BCAS3: variants seen among roughly 807,000 people sequenced by gnomAD.
The protein encoded by BCAS3 is BCAS4/BCAS3 fusion.
A neutral mutation model predicts 116.1 loss-of-function variants in BCAS3; 53 were observed. The observed-to-expected ratio is 0.46, with a 90% CI of 0.37 to 0.57. The LOEUF is 0.57. Among genes scored for constraint, BCAS3 ranks in the 20% least tolerant of loss-of-function variants. The probability of loss-of-function intolerance (pLI) is 0.00; values close to 1 mark genes in which losing one functional copy is unlikely to be tolerated. For missense variants in BCAS3, 917 were observed against 1,165.4 expected (o/e 0.79, Z 3.10); for synonymous variants, 391 against 408.2 (o/e 0.96, Z 0.51).
intron 19 of BCAS3, among the ~76,000 whole-genome samples, chr17:61,071,525 T>C (rs1438543515): frequency 1.3e-5 from 2 of 152,210 alleles, no homozygotes; most frequent in Non-Finnish European, 2.9e-5. Context: ...AGCCTGAAGT[T>C]ATTTATTTCT....
At chr17:61,108,114 G>A (rs574485879) in intron 22 of BCAS3, among the ~76,000 whole-genome samples, 20 of 151,876 alleles carry the variant, frequency 1.3e-4, no homozygotes, top group Admixed American at 7.9e-4. Context: ...TAGTGCATGC[G>A]CATCTCGGGT....
At position 61,239,332 on chromosome 17, in the gene BCAS3, G is replaced by A. The variant is rs1287680096; in HGVS notation, c.2426-128995G>A. Among the ~76,000 whole-genome samples the A allele has an allele frequency of 6.6e-6, 1 of 152,210 alleles. No individual in the cohort carries two copies. The highest frequency in any genetic ancestry group is 1.5e-5 in the Non-Finnish European group (1 of 68,032). On this transcript the variant is annotated intron_variant, in intron 22 of 23. Transcript: ENST00000407086. This position sits in a 1 kb window ranked among gnomAD's most constrained non-coding sequence, Gnocchi z 4.2. ...TCAAAGATAGTTATATATCCAAGAG[G>A]AAAGCCTGAGTTTGAAATAATGATT...
rs779555069 is a variant in BCAS3 at position 60,889,750 on chromosome 17, G to C, written c.717G>C (p.Trp239Cys). 2 of 1,613,172 alleles carry C rather than the reference G, an allele frequency of 1.2e-6. No homozygotes were observed. The highest frequency in any genetic ancestry group is 1.7e-6 in the Non-Finnish European group (2 of 1,179,852). ...ATCCTATTGCTCTTGGGAGCCGCTG[G>C]CTTGCTTATGCAGAAAACAAGGTAA... ...NMNPIALGSR[W>C]LAYAENKLIR... is the part of the protein sequence containing the mutation. The change falls in exon 10 of 24, where the codon TGG (tryptophan) becomes TGC (cysteine). Residue 239 changes from tryptophan to cysteine, a missense_variant. Coordinates refer to ENST00000407086, the MANE Select transcript of BCAS3 (RefSeq NM_017679.5).
chr17:60,841,804 G>T (rs2051956809), intron 7 of BCAS3, among the ~76,000 whole-genome samples: 1 of 151,952 alleles, frequency 6.6e-6, no homozygotes, highest in South Asian at 2.1e-4. Context: ...TCCACTTCTA[G>T]CCTTCCTAAG....
Position 61,193,471 on chromosome 17 carries a change from T to C in BCAS3, c.2425+108907T>C, listed in dbSNP as rs1044275148. Among the ~76,000 whole-genome samples, 78 of 151,734 alleles carry C rather than the reference T, an allele frequency of 5.1e-4. 1 individual carries two copies. Among genetic ancestry groups the C allele is most frequent in the African/African-American group, 1.7e-3 (72 of 41,302 alleles). ...CAATGACAGGGGATATAAGACTGAA[T>C]TTTTGGCCAGGTGCGGTGGCTCACG... is the stretch of plus-strand genomic sequence containing the variant. On this transcript the variant is annotated intron_variant, in intron 22 of 23. Transcript: ENST00000407086.
At chr17:60,880,951 C>CT (rs774853500) in intron 9 of BCAS3, among the ~76,000 whole-genome samples, 45 of 130,388 alleles carry the variant, frequency 3.5e-4, no homozygotes, top group Non-Finnish European at 5.8e-4. Context: ...TCACTTTCTT[C>CT]TTTTTTTTGT....
intron 22 of BCAS3, among the ~76,000 whole-genome samples, chr17:61,187,196 A>G (rs929388901): frequency 1.3e-5 from 2 of 152,374 alleles, no homozygotes; most frequent in Admixed American, 6.5e-5. Flanking sequence ...AGTGTTATCA[A>G]GGACATCAAG....
rs997598315 is a variant in BCAS3, at chr17:61,377,495, G to A, written c.2593+9001G>A. Among the ~76,000 whole-genome samples, 1 of 152,208 alleles carries A rather than the reference G, an allele frequency of 6.6e-6. No individual in the cohort carries two copies. The highest frequency in any genetic ancestry group is 1.5e-5 in the Non-Finnish European group (1 of 68,028). Reference sequence around the variant, plus strand: ...CTCCCGCTATTGGGAAGAATGTGGTGTTTTTTTCCCCTTTTCGATGGGATT... The same window carrying A: ...CTCCCGCTATTGGGAAGAATGTGGTATTTTTTTCCCCTTTTCGATGGGATT... On this transcript the variant is annotated intron_variant, in intron 23 of 23. Coordinates refer to ENST00000407086, the MANE Select transcript of BCAS3 (RefSeq NM_017679.5). The surrounding 1 kb of genome is among the most constrained non-coding windows in gnomAD (Gnocchi z 4.6).
intron 4 of BCAS3, among the ~76,000 whole-genome samples, chr17:60,691,626 T>C (rs1323270837): frequency 6.6e-6 from 1 of 152,198 alleles, no homozygotes. Context: ...CTAAATATCC[T>C]GGGTATTAAT....
At chr17:61,312,040 G>A (rs1015965747) in intron 22 of BCAS3, among the ~76,000 whole-genome samples, 3 of 152,200 alleles carry the variant, frequency 2.0e-5, no homozygotes, top group African/African-American at 7.2e-5. Flanking sequence ...TGGCTTCTGG[G>A]TGTCCTATTA....
At chr17:60,845,745 C>T (rs749066479) in intron 7 of BCAS3, among the ~76,000 whole-genome samples, 10 of 151,796 alleles carry the variant, frequency 6.6e-5, no homozygotes, top group Non-Finnish European at 1.3e-4. Context: ...CTCTTGGTTA[C>T]ATACTCCCTT....
chr17:60,944,272 G>A (rs2060369948), intron 13 of BCAS3, among the ~76,000 whole-genome samples: 1 of 151,964 alleles, frequency 6.6e-6, no homozygotes. Flanking sequence ...GAATGAAAAA[G>A]TGGATATCAT....
At chr17:61,262,062 A>G (rs189196621) in intron 22 of BCAS3, among the ~76,000 whole-genome samples, 36 of 152,356 alleles carry the variant, frequency 2.4e-4, no homozygotes, top group Admixed American at 1.0e-3. Flanking sequence ...AATTGGAAGA[A>G]AATAGGACAC....
chr17:60,792,302 TGC>T (rs2046844512), intron 6 of BCAS3, among the ~76,000 whole-genome samples: 1 of 152,218 alleles, frequency 6.6e-6, no homozygotes, highest in African/African-American at 2.4e-5. Flanking sequence ...AGGAGCTTCG[TGC>T]ATGGGCCTCG....
chr17:60,976,984 G>C (rs1182343212), intron 14 of BCAS3, among the ~76,000 whole-genome samples: 2 of 152,110 alleles, frequency 1.3e-5, no homozygotes, highest in African/African-American at 4.8e-5. Flanking sequence ...TGGCCGGACA[G>C]AGGGGCTCCT....
intron 6 of BCAS3, among the ~76,000 whole-genome samples, chr17:60,749,684 T>C (rs895269069): frequency 6.6e-6 from 1 of 152,204 alleles, no homozygotes; most frequent in Non-Finnish European, 1.5e-5. Flanking sequence ...TGCTGTTATG[T>C]TTTTCTTATC....
At chr17:60,776,369 A>G (rs1431648947) in intron 6 of BCAS3, among the ~76,000 whole-genome samples, 1 of 152,236 alleles carries the variant, frequency 6.6e-6, no homozygotes, top group Non-Finnish European at 1.5e-5. Context: ...ACCTTTATAC[A>G]TTAATATTAG....
At chr17:60,783,101 C>T (rs1202496129) in intron 6 of BCAS3, among the ~76,000 whole-genome samples, 1 of 152,200 alleles carries the variant, frequency 6.6e-6, no homozygotes, top group East Asian at 1.9e-4. Flanking sequence ...TTCAAACCCA[C>T]AGAATGTATG....
At chr17:60,691,224 C>T (rs922331888) in intron 4 of BCAS3, among the ~76,000 whole-genome samples, 1 of 152,104 alleles carries the variant, frequency 6.6e-6, no homozygotes, top group African/African-American at 2.4e-5. Context: ...TGAGCCACTG[C>T]GCCCAGCCTC....
Sources: allele counts gnomAD v4.1 joint callset (sites outside exome capture counted in the v4.1 genomes callset), GRCh38; gene constraint gnomAD v4.1.1; non-coding constraint Gnocchi (gnomAD v3.1); transcripts MANE v1.5; gene names NCBI Gene and HGNC (gene_info 2026-07-23, HGNC 2026-07-21).